ATAD2: variants seen among roughly 807,000 people sequenced by gnomAD.
The protein encoded by ATAD2 is ATPase family AAA domain containing 2.
In ATAD2, 62 loss-of-function variants were observed where a neutral mutation model predicts 168.9. That is an observed-to-expected ratio of 0.37 (90% CI 0.30 to 0.45). The LOEUF (loss-of-function observed/expected upper bound fraction) is 0.45. ATAD2 is among the 20% of genes least tolerant of loss of function. The pLI is 1.00. For missense variants in ATAD2, 1,419 were observed against 1,667.8 expected (o/e 0.85, Z 2.60); for synonymous variants, 613 against 571.6 (o/e 1.07, Z -1.03).
At chr8:123,401,410 T>C (rs1812997604), upstream of ATAD2, 1 of 1,383,096 alleles carries the variant, frequency 7.2e-7, no homozygotes, top group Admixed American at 1.7e-5. Context: ...CGAAGGGAAC[T>C]TGCTGTATCA....
At chr8:123,385,160 G>C (rs1829611590) in intron 1 of ATAD2, among the ~76,000 whole-genome samples, 1 of 152,048 alleles carries the variant, frequency 6.6e-6, no homozygotes, top group African/African-American at 2.4e-5. Context: ...GGTTTCCACT[G>C]GTTCTATTTT....
chr8:123,369,956 C>T lies in ATAD2; in HGVS notation c.796G>A (p.Asp266Asn), dbSNP rs781182162. 1.3e-6 allele frequency: 2 copies of T among 1,561,644 alleles called. No individual in the cohort carries two copies. The highest frequency in any genetic ancestry group is 8.8e-7 in the Non-Finnish European group (1 of 1,135,322). Residue 266 changes from aspartate to asparagine, a missense_variant, in exon 7 of 28, where the codon GAT (aspartate) becomes AAT (asparagine). Coordinates refer to ENST00000287394, the MANE Select transcript of ATAD2 (RefSeq NM_014109.4). The part of the protein sequence containing the change: ...DGEDEDDEDD[D>N]DDDDDDDDDD... Reference sequence around the variant, plus strand: ...TCATCATCATCATCGTCATCATCATCATCATCTTCATCATCTTCATCTTCA... The same window carrying T: ...TCATCATCATCATCGTCATCATCATTATCATCTTCATCATCTTCATCTTCA...
intron 2 of ATAD2, among the ~76,000 whole-genome samples, 188 bp from the exon 3 acceptor site, chr8:123,372,874 C>T (rs2054395802): frequency 6.6e-6 from 1 of 151,084 alleles, no homozygotes; most frequent in African/African-American, 2.4e-5. Flanking sequence ...AACTACACAC[C>T]TCACTACATC....
chr8:123,396,382 T>C lies in ATAD2; in HGVS notation c.-25A>G, dbSNP rs368469577. The C allele has an allele frequency of 2.6e-6, 4 of 1,543,122 alleles. No individual in the cohort carries two copies. The highest frequency in any genetic ancestry group is 1.2e-5 in the South Asian group (1 of 85,836). ...TCTTCTCTCCCTACTGGCCTCGGCG[T>C]GCGCGACCGGAGAGAGATCCAGCTC... On this transcript the variant is annotated 5_prime_UTR_variant, in exon 1 of 28. Coordinates refer to ENST00000287394, the MANE Select transcript of ATAD2 (RefSeq NM_014109.4).
At chr8:123,379,480 C>T (rs919588469) in intron 2 of ATAD2, among the ~76,000 whole-genome samples, 9 of 152,064 alleles carry the variant, frequency 5.9e-5, no homozygotes, top group Non-Finnish European at 1.3e-4. Context: ...ACTGATCCTA[C>T]GTCAGCTAAC....
At chr8:123,400,838 T>C (rs1481297447), upstream of ATAD2, 115 of 1,318,438 alleles carry the variant, frequency 8.7e-5, 2 homozygotes, top group Admixed American at 1.7e-3. The surrounding 1 kb of genome is among the most constrained non-coding windows in gnomAD (Gnocchi z 4.5). Flanking sequence ...GTGGGAGGTA[T>C]TGGTTTCATT....
At chr8:123,344,406 G>C (rs1828164502) in intron 19 of ATAD2, 1 of 143,618 alleles carries the variant, frequency 7.0e-6, no homozygotes, top group Non-Finnish European at 1.5e-5. Flanking sequence ...GGAGTGCAGT[G>C]GCTCACTCGG....
intron 21 of ATAD2, 41 bp from the exon 22 acceptor site, chr8:123,336,573 A>T (rs1827917347): frequency 6.9e-7 from 1 of 1,440,018 alleles, no homozygotes; most frequent in Non-Finnish European, 9.1e-7. Flanking sequence ...AATTAACTCT[A>T]AACATAACAT....
At chr8:123,391,485 GAAAAAAAAAAAAA>G (rs10563871) in intron 1 of ATAD2, among the ~76,000 whole-genome samples, 3 of 33,858 alleles carry the variant, frequency 8.9e-5, no homozygotes, top group Admixed American at 4.9e-4. Flanking sequence ...GAGAAGTTTT[GAAAAAAAAAAAAA>G]AAAAAAAAAA....
At chr8:123,398,111 C>T (rs1255643794), upstream of ATAD2, among the ~76,000 whole-genome samples, 1 of 151,846 alleles carries the variant, frequency 6.6e-6, no homozygotes. Flanking sequence ...AAATAATCTG[C>T]GTGGCTGCTG....
At chr8:123,378,701 C>CAAAAAAAAAAAAAAAAA (rs71808201) in intron 2 of ATAD2, among the ~76,000 whole-genome samples, 3 of 73,042 alleles carry the variant, frequency 4.1e-5, no homozygotes, top group African/African-American at 1.2e-4. Context: ...GACTGTGTCT[C>CAAAAAAAAAAAAAAAAA]AAAAAAAAAA....
chr8:123,337,856 TC>T, intron 20 of ATAD2, 35 bp from the exon 21 acceptor site: 1 of 1,541,158 alleles, frequency 6.5e-7, no homozygotes, highest in Non-Finnish European at 8.7e-7. Context: ...TTACTGCTCC[TC>T]CATAACATTG....
chr8:123,334,029 A>G lies in ATAD2; in HGVS notation c.3335-8T>C, dbSNP rs1827848834. Reference sequence around the variant, plus strand: ...ATTTGGAGGAGCTACAACCTTATAAATAGATATGTGGGATGTCAAAAGGAT... The same window carrying G: ...ATTTGGAGGAGCTACAACCTTATAAGTAGATATGTGGGATGTCAAAAGGAT... On this transcript the variant is annotated splice_region_variant and splice_polypyrimidine_tract_variant and intron_variant, in intron 23 of 27. Transcript: ENST00000287394. The G allele has an allele frequency of 6.2e-7, 1 of 1,606,582 alleles. No individual in the cohort carries two copies. Among genetic ancestry groups the G allele is most frequent in the Non-Finnish European group, 8.5e-7 (1 of 1,175,740 alleles).
chr8:123,401,827 G>A (rs1813007697), intron 1 of ATAD2: 1 of 758,782 alleles, frequency 1.3e-6, no homozygotes, highest in Non-Finnish European at 2.4e-6. Context: ...ATGCCATGGA[G>A]AAGAGCAGCA....
chr8:123,369,201 ATTTG>A, intron 7 of ATAD2, 26 bp from the exon 8 acceptor site: 14 of 811,614 alleles, frequency 1.7e-5, no homozygotes, highest in East Asian at 4.3e-5. Context: ...ATATATATAT[ATTTG>A]TATATATATA....
At chr8:123,346,949 A>G in intron 16 of ATAD2, 143 bp downstream of exon 16, 1 of 1,122,332 alleles carries the variant, frequency 8.9e-7, no homozygotes, top group South Asian at 1.7e-5. Flanking sequence ...CCATGGAGTA[A>G]ATTTCCTTCA....
chr8:123,400,627 C>T, upstream of ATAD2: 1 of 648,436 alleles, frequency 1.5e-6, no homozygotes, highest in Non-Finnish European at 2.9e-6. This position sits in a 1 kb window ranked among gnomAD's most constrained non-coding sequence, Gnocchi z 4.5. Flanking sequence ...CGAGGACGGG[C>T]TCACCACGCA....
chr8:123,409,003 T>A (rs1813111066), intron 1 of ATAD2, among the ~76,000 whole-genome samples: 1 of 151,890 alleles, frequency 6.6e-6, no homozygotes, highest in African/African-American at 2.4e-5. Context: ...AATTGTTGTA[T>A]TTTTAGTAGA....
upstream of ATAD2, chr8:123,400,672 A>G (rs1055056832): frequency 8.3e-6 from 6 of 726,916 alleles, no homozygotes; most frequent in Non-Finnish European, 1.5e-5. This position sits in a 1 kb window ranked among gnomAD's most constrained non-coding sequence, Gnocchi z 4.5. Flanking sequence ...CCTCACCTAC[A>G]ACGAGTTCCT....
Sources: gnomAD v4.1 joint callset for allele counts (sites outside exome capture counted in the v4.1 genomes callset) on GRCh38, gnomAD v4.1.1 for gene constraint, Gnocchi (gnomAD v3.1) non-coding constraint, MANE v1.5 for transcripts, NCBI Gene and HGNC (gene_info 2026-07-23, HGNC 2026-07-21) for gene names.